The following SLCO1B3 variants were observed in gnomAD, a reference collection of about 807,000 sequenced individuals.
The protein encoded by SLCO1B3 is liver-specific organic anion transporter 2.
Under a neutral mutation model 71.8 loss-of-function variants are expected in SLCO1B3, and 72 were observed. The observed-to-expected ratio is 1.00, with a 90% confidence interval of 0.83 to 1.22. SLCO1B3 has a LOEUF of 1.22. Ranked by LOEUF, SLCO1B3 falls within the 50% of genes most tolerant of loss-of-function variation. The pLI is 0.00. For synonymous variants in SLCO1B3, 298 were observed against 278.4 expected (o/e 1.07, Z -0.70); for missense variants, 911 against 819.7 (o/e 1.11, Z -1.36).
At chr12:20,882,167 G>T (rs1015065561) in intron 12 of SLCO1B3, among the ~76,000 whole-genome samples, 30 of 152,102 alleles carry the variant, frequency 2.0e-4, no homozygotes, top group Non-Finnish European at 4.4e-5. Context: ...CCTAAAGAGA[G>T]CTCTGTCTTC....
chr12:20,822,978 C>T (rs1281872122), intron 3 of SLCO1B3, among the ~76,000 whole-genome samples: 2 of 152,112 alleles, frequency 1.3e-5, no homozygotes, highest in East Asian at 1.9e-4. Context: ...TGTCTGATCT[C>T]GCATGGCTGT....
At chr12:20,834,988 A>G (rs1335639010) in intron 3 of SLCO1B3, among the ~76,000 whole-genome samples, 1 of 152,162 alleles carries the variant, frequency 6.6e-6, no homozygotes, top group African/African-American at 2.4e-5. Context: ...AAGCATTTCT[A>G]TACATCCTCT....
chr12:20,872,397 C>A, intron 8 of SLCO1B3, among the ~76,000 whole-genome samples: 1 of 151,770 alleles, frequency 6.6e-6, no homozygotes, highest in East Asian at 2.0e-4. Context: ...CTCAGGGACC[C>A]CAAAAGCCTT....
intron 6 of SLCO1B3, among the ~76,000 whole-genome samples, chr12:20,861,745 GGA>G (rs1865270074): frequency 1.5e-5 from 1 of 65,230 alleles, no homozygotes. Context: ...ATGAAGTGGA[GGA>G]AAAAAAATGA....
intron 2 of SLCO1B3, among the ~76,000 whole-genome samples, chr12:20,814,125 A>G (rs1373290945): frequency 6.6e-6 from 1 of 152,192 alleles, no homozygotes; most frequent in African/African-American, 2.4e-5. Context: ...GTCTGCTTAT[A>G]TACTTTATAT....
chr12:20,842,588 A>C (rs1321331815), intron 3 of SLCO1B3, among the ~76,000 whole-genome samples: 1 of 152,126 alleles, frequency 6.6e-6, no homozygotes, highest in Non-Finnish European at 1.5e-5. Flanking sequence ...TCGCATATTT[A>C]GATTTTTCAA....
chr12:20,833,675 C>T (rs1303437797), intron 3 of SLCO1B3, among the ~76,000 whole-genome samples: 7 of 147,862 alleles, frequency 4.7e-5, no homozygotes, highest in South Asian at 2.1e-4. Flanking sequence ...TATATACATA[C>T]ACTTTATGGT....
chr12:20,829,655 G>T (rs1324596869), intron 3 of SLCO1B3, among the ~76,000 whole-genome samples: 1 of 152,124 alleles, frequency 6.6e-6, no homozygotes, highest in Non-Finnish European at 1.5e-5. Flanking sequence ...AAGGAATTCA[G>T]GGCAAGTCCA....
At chr12:20,823,911 C>T (rs574333677) in intron 3 of SLCO1B3, among the ~76,000 whole-genome samples, 4 of 152,290 alleles carry the variant, frequency 2.6e-5, no homozygotes, top group East Asian at 1.9e-4. Flanking sequence ...AGGTCAGCCT[C>T]CTTTTCTCAA....
intron 15 of SLCO1B3, among the ~76,000 whole-genome samples, chr12:20,906,252 A>C (rs1866243519): frequency 6.6e-6 from 1 of 152,232 alleles, no homozygotes; most frequent in Non-Finnish European, 1.5e-5. Context: ...AGTCCAAAAA[A>C]GCTTCAGATT....
At position 20,858,576 on chromosome 12, in the gene SLCO1B3, G is replaced by C; in HGVS notation, c.359+5G>C. 6.2e-7 allele frequency: 1 copy of C among 1,603,676 alleles called. No individual in the cohort carries two copies. Among genetic ancestry groups the C allele is most frequent in the Admixed American group, 1.7e-5 (1 of 59,366 alleles). Reference sequence around the variant, plus strand: ...ACCACATTTCTTCATGGGATAGTAAGTGTTAAACAGCTCTGAGCCATTTAT... The same window carrying C: ...ACCACATTTCTTCATGGGATAGTAACTGTTAAACAGCTCTGAGCCATTTAT... On this transcript the variant is annotated splice_donor_5th_base_variant and intron_variant, in intron 5 of 15. Transcript: ENST00000381545.
intron 13 of SLCO1B3, among the ~76,000 whole-genome samples, chr12:20,886,977 TTC>T (rs1211718037): frequency 6.6e-6 from 1 of 152,030 alleles, no homozygotes; most frequent in African/African-American, 2.4e-5. Context: ...ATTTTTTACT[TTC>T]TGTTTCTGAA....
intron 13 of SLCO1B3, among the ~76,000 whole-genome samples, chr12:20,896,046 G>T (rs1688087348): frequency 6.6e-6 from 1 of 152,204 alleles, no homozygotes; most frequent in Admixed American, 6.5e-5. Context: ...CAGCTGGGAT[G>T]CAGGGCACCA....
intron 8 of SLCO1B3, among the ~76,000 whole-genome samples, chr12:20,872,520 T>C (rs530266695): frequency 6.6e-5 from 10 of 152,106 alleles, no homozygotes; most frequent in African/African-American, 2.2e-4. Flanking sequence ...GCAACCACCA[T>C]GGCTGGGATT....
At chr12:20,821,820 A>G (rs1037260865) in intron 3 of SLCO1B3, among the ~76,000 whole-genome samples, 2 of 152,204 alleles carry the variant, frequency 1.3e-5, no homozygotes, top group African/African-American at 4.8e-5. Flanking sequence ...CATCCCTGCA[A>G]TGATTAAACA....
chr12:20,841,940 A>G (rs1864813219), intron 3 of SLCO1B3, among the ~76,000 whole-genome samples: 1 of 148,632 alleles, frequency 6.7e-6, no homozygotes, highest in South Asian at 2.1e-4. Flanking sequence ...GCTAGAGTGC[A>G]GTGGAGCAAT....
At chr12:20,850,578 G>A (rs1049619741) in intron 3 of SLCO1B3, among the ~76,000 whole-genome samples, 2 of 152,114 alleles carry the variant, frequency 1.3e-5, no homozygotes, top group Admixed American at 6.6e-5. Context: ...CACCATGCCC[G>A]GCCGATGTAC....
intron 4 of SLCO1B3, among the ~76,000 whole-genome samples, chr12:20,856,359 C>G (rs1176187059): frequency 6.6e-6 from 1 of 151,900 alleles, no homozygotes; most frequent in Non-Finnish European, 1.5e-5. Flanking sequence ...GGTTCCACAC[C>G]CACGGATGCA....
At chr12:20,866,325 A>T (rs536124419) in intron 8 of SLCO1B3, among the ~76,000 whole-genome samples, 3 of 152,198 alleles carry the variant, frequency 2.0e-5, no homozygotes, top group Non-Finnish European at 2.9e-5. Flanking sequence ...ATGGATCAAC[A>T]TGAAGCCTCA....
Sources: gnomAD v4.1 joint callset for allele counts (sites outside exome capture counted in the v4.1 genomes callset) on GRCh38, gnomAD v4.1.1 for gene constraint, MANE v1.5 for transcripts, NCBI Gene and HGNC (gene_info 2026-07-23, HGNC 2026-07-21) for gene names.